CELF1: variants seen among roughly 807,000 people sequenced by gnomAD.
CELF1 encodes the protein CUGBP Elav-like family member 1, also known as 50 kDa nuclear polyadenylated RNA-binding protein.
Under a neutral mutation model 61.8 loss-of-function variants are expected in CELF1, and 10 were observed. That is an observed-to-expected ratio of 0.16 (90% CI 0.10 to 0.27). CELF1 has a LOEUF of 0.27. Among genes scored for constraint, CELF1 ranks in the 10% least tolerant of loss-of-function variants. CELF1 has a pLI of 1.00. For missense variants in CELF1, 380 were observed against 639.1 expected, an observed-to-expected ratio of 0.59 and a Z score of 4.37; for synonymous variants, 236 against 225.1, an observed-to-expected ratio of 1.05 and a Z score of -0.43.
intron 3 of CELF1, among the ~76,000 whole-genome samples, chr11:47,493,750 T>A (rs1313965098): frequency 6.6e-6 from 1 of 152,090 alleles, no homozygotes; most frequent in Non-Finnish European, 1.5e-5. Flanking sequence ...TATGGTCCCT[T>A]AACACAGCTT....
At chr11:47,556,050 C>A (rs939273799), upstream of CELF1, among the ~76,000 whole-genome samples, 1 of 150,878 alleles carries the variant, frequency 6.6e-6, no homozygotes, top group Non-Finnish European at 1.5e-5. Context: ...AGAGAAATAG[C>A]CTTCTCCAAG....
chr11:47,487,465 A>G (rs10838721), intron 4 of CELF1, among the ~76,000 whole-genome samples: 4,128 of 152,320 alleles, frequency 0.027, 164 homozygotes, highest in South Asian at 0.2. Flanking sequence ...TAGTTACACT[A>G]TAAGTCTTAT....
intron 9 of CELF1, 108 bp downstream of exon 9, chr11:47,482,587 T>G (rs2083992061): frequency 9.4e-7 from 1 of 1,058,528 alleles, no homozygotes; most frequent in African/African-American, 1.6e-5. Context: ...ATATAATTTC[T>G]ATATGCCAAA....
chr11:47,545,338 G>A (rs1482057980), intron 1 of CELF1, among the ~76,000 whole-genome samples: 1 of 152,246 alleles, frequency 6.6e-6, no homozygotes, highest in Middle Eastern at 3.4e-3. Flanking sequence ...GCTGAGGCAC[G>A]AGAATTGCTT....
intron 1 of CELF1, among the ~76,000 whole-genome samples, chr11:47,535,279 T>C (rs919608713): frequency 5.3e-5 from 8 of 151,822 alleles, no homozygotes; most frequent in African/African-American, 1.5e-4. Flanking sequence ...TCAGAACCAA[T>C]TCATACAACA....
At chr11:47,525,621 A>G (rs2096199433) in intron 1 of CELF1, among the ~76,000 whole-genome samples, 1 of 152,150 alleles carries the variant, frequency 6.6e-6, no homozygotes, top group African/African-American at 2.4e-5. Flanking sequence ...CTGGTTATGT[A>G]TTTATTCGGT....
At chr11:47,551,959 G>A (rs1454219189) in intron 1 of CELF1, among the ~76,000 whole-genome samples, 2 of 150,906 alleles carry the variant, frequency 1.3e-5, no homozygotes, top group African/African-American at 4.9e-5. Flanking sequence ...GTTGCAGTGA[G>A]CCGAGATAGC....
intron 1 of CELF1, among the ~76,000 whole-genome samples, chr11:47,516,451 T>C (rs765718896): frequency 2.0e-4 from 31 of 152,190 alleles, no homozygotes; most frequent in Non-Finnish European, 4.0e-4. Context: ...CAATAATGGT[T>C]GCTACAGCTG....
intron 1 of CELF1, among the ~76,000 whole-genome samples, chr11:47,511,553 T>G (rs1314411029): frequency 6.6e-6 from 1 of 152,216 alleles, no homozygotes; most frequent in Non-Finnish European, 1.5e-5. Flanking sequence ...TTGTAAACCC[T>G]TATCACCTAA....
At chr11:47,513,102 T>A (rs1216106078) in intron 1 of CELF1, among the ~76,000 whole-genome samples, 1 of 152,256 alleles carries the variant, frequency 6.6e-6, no homozygotes, top group African/African-American at 2.4e-5. Flanking sequence ...CACTAGGTCA[T>A]CTAAAACTAT....
At chr11:47,514,692 C>CAAAAAAAAAAA (rs34636337) in intron 1 of CELF1, among the ~76,000 whole-genome samples, 1 of 106,100 alleles carries the variant, frequency 9.4e-6, no homozygotes, top group South Asian at 3.3e-4. Flanking sequence ...CCTATCTCTA[C>CAAAAAAAAAAA]AAAAAAAAAA....
At chr11:47,490,326 A>G (rs1240046375) in intron 3 of CELF1, among the ~76,000 whole-genome samples, 1 of 152,040 alleles carries the variant, frequency 6.6e-6, no homozygotes, top group Non-Finnish European at 1.5e-5. Context: ...TAAATTCCCA[A>G]TATCTAGCAC....
At position 47,553,104 on chromosome 11, in the gene CELF1, C is replaced by T. The variant is rs563455325; in HGVS notation, c.-266G>A. On this transcript the variant is annotated 5_prime_UTR_variant, in exon 1 of 15. Coordinates refer to ENST00000687097, the MANE Select transcript of CELF1 (RefSeq NM_001376376.1). ...CCGGGGGAGCCTCCGCGTCCCGCCG[C>T]CGCTGCCGCTGCCGCCAGAGCAGAA... 2.5e-6 allele frequency: 1 copy of T among 398,284 alleles called. No homozygotes were observed. Among genetic ancestry groups the T allele is most frequent in the Non-Finnish European group, 4.4e-6 (1 of 225,980 alleles). 24.7% of individuals were successfully genotyped at this position (398,284 alleles called of 1,614,324 possible).
chr11:47,494,584 T>G, intron 3 of CELF1: 1 of 737,466 alleles, frequency 1.4e-6, no homozygotes, highest in Non-Finnish European at 1.7e-6. Flanking sequence ...CTCTCAAAAT[T>G]TCCCCACCCC....
chr11:47,521,913 ATTTT>A (rs35862688), intron 1 of CELF1, among the ~76,000 whole-genome samples: 1 of 146,362 alleles, frequency 6.8e-6, no homozygotes, highest in Non-Finnish European at 1.5e-5. Flanking sequence ...AGCTATGCTG[ATTTT>A]TTTTTTTTTT....
chr11:47,553,248 G>C, upstream of CELF1: 1 of 382,062 alleles, frequency 2.6e-6, no homozygotes, highest in Middle Eastern at 6.7e-4. Context: ...GATGCGAGCG[G>C]AGCGCGGCGT....
rs1006518657 is a variant in CELF1 at position 47,485,156 on chromosome 11, G to C, written c.392-633C>G. Among the ~76,000 whole-genome samples, 3 of 152,170 alleles carry C rather than the reference G, an allele frequency of 2.0e-5. No homozygotes were observed. In the South Asian group the frequency reaches 6.2e-4, roughly 32 times the overall value. ...GGTAGCAGTTGCTATTAAATGTGAAGTACTTGGCATCTTCCCTAGTCCTTT... is the reference window on the plus strand; with the variant it reads ...GGTAGCAGTTGCTATTAAATGTGAACTACTTGGCATCTTCCCTAGTCCTTT... On this transcript the variant is annotated intron_variant, in intron 6 of 14. Transcript: ENST00000687097.
chr11:47,530,462 G>C (rs989079858), intron 1 of CELF1, among the ~76,000 whole-genome samples: 3 of 152,172 alleles, frequency 2.0e-5, no homozygotes, highest in Non-Finnish European at 2.9e-5. Flanking sequence ...CTTTAATGTG[G>C]GCCCAGTCAA....
chr11:47,493,517 A>G (rs1007784700), intron 3 of CELF1, among the ~76,000 whole-genome samples: 2 of 145,538 alleles, frequency 1.4e-5, no homozygotes, highest in African/African-American at 5.4e-5. Context: ...CAAAAAGAAA[A>G]AAAAAAAAAA....
Sources: gnomAD v4.1 joint callset for allele counts (sites outside exome capture counted in the v4.1 genomes callset) on GRCh38, gnomAD v4.1.1 for gene constraint, MANE v1.5 for transcripts, NCBI Gene and HGNC (gene_info 2026-07-23, HGNC 2026-07-21) for gene names.